The following MYO15A variants were observed in gnomAD, a reference collection of about 807,000 sequenced individuals.
MYO15A encodes the protein myosin XVA, also known as unconventional myosin-XV.
MYO15A carries 308 observed loss-of-function variants against 394.6 expected under a neutral mutation model. That is an observed-to-expected ratio of 0.78 (90% CI 0.71 to 0.86). MYO15A has a LOEUF of 0.86. Ranked by LOEUF, MYO15A falls within the 40% of genes least tolerant of loss-of-function variation. The pLI, the probability that MYO15A is intolerant of heterozygous loss-of-function variation, is 0.00. For synonymous variants in MYO15A, 1,957 were observed against 2,003.8 expected (o/e 0.98, Z 0.62); for missense variants, 4,606 against 4,799.1 (o/e 0.96, Z 1.19).
chr17:18,171,060 G>A (rs2046933475), intron 62 of MYO15A, among the ~76,000 whole-genome samples: 1 of 152,212 alleles, frequency 6.6e-6, no homozygotes, highest in South Asian at 2.1e-4. Flanking sequence ...TGGTCAGGAT[G>A]GGCTGGTACT....
intron 65 of MYO15A, chr17:18,177,662 C>T (rs1301958502): frequency 6.6e-6 from 1 of 152,276 alleles, no homozygotes; most frequent in Non-Finnish European, 1.5e-5. Context: ...CCACCACCTA[C>T]CAGTTGTGCA....
At chr17:18,113,739 CA>C (rs72282387) in intron 1 of MYO15A, among the ~76,000 whole-genome samples, 15,772 of 119,266 alleles carry the variant, frequency 0.13, 998 homozygotes, top group South Asian at 0.37. Flanking sequence ...GAGACTGTCT[CA>C]AAAAAAAAAA....
Position 18,135,837 on chromosome 17 carries a change from G to A in MYO15A, c.4596+13G>A. Reference sequence around the variant, plus strand: ...CTTCAAAGTGACCGTGAGTCTGTGGGCATCTGGCCTTCGAACAAAGCTTTC... The same window carrying A: ...CTTCAAAGTGACCGTGAGTCTGTGGACATCTGGCCTTCGAACAAAGCTTTC... On this transcript the variant is annotated intron_variant, in intron 13 of 65. Transcript: ENST00000647165. The A allele has an allele frequency of 6.2e-7, 1 of 1,610,446 alleles. No individual in the cohort carries two copies. Among genetic ancestry groups the A allele is most frequent in the South Asian group, 1.1e-5 (1 of 90,534 alleles).
In MYO15A at chr17:18,121,655, G is replaced by A. The variant is rs779295118; in HGVS notation, c.2855G>A (p.Gly952Asp). Residue 952 changes from glycine to aspartate, a missense_variant, in exon 2 of 66, where the codon GGC becomes GAC. Around this residue, in one of 2 missense-constraint regions of MYO15A, gnomAD observed 1,830 missense variants for 1,689.7 expected, o/e 1.08. Coordinates refer to ENST00000647165, the MANE Select transcript of MYO15A (RefSeq NM_016239.4). The surrounding 1 kb of genome is among the most constrained non-coding windows in gnomAD (Gnocchi z 5.3). Reference protein sequence around the residue: ...PWPGGAGSRRGFSRPPPVPEN... With the variant: ...PWPGGAGSRRDFSRPPPVPEN... ...CCAGGAGGTGCAGGCAGCCGCCGAG[G>A]CTTTTCCAGGCCACCCCCTGTGCCG... is the stretch of plus-strand genomic sequence containing the variant. 62 of 1,605,538 alleles carry A rather than the reference G, an allele frequency of 3.9e-5. No homozygotes were observed. Among genetic ancestry groups the A allele is most frequent in the Non-Finnish European group, 4.9e-5 (58 of 1,175,712 alleles).
Position 18,142,211 on chromosome 17 carries a change from A to G in MYO15A, c.5782A>G (p.Lys1928Glu). 1 of 1,613,556 alleles carries G rather than the reference A, an allele frequency of 6.2e-7. No homozygotes were observed. The highest frequency in any genetic ancestry group is 8.5e-7 in the Non-Finnish European group (1 of 1,179,988). The change falls in exon 24 of 66, where the codon AAG becomes GAG. Residue 1928 changes from lysine to glutamate, a missense_variant. By Grantham distance (56) the Lys-to-Glu change is moderately conservative. This residue lies in a region of MYO15A where 2,776 missense variants were observed against 3,109.3 expected (regional missense o/e 0.89). Coordinates refer to ENST00000647165, the MANE Select transcript of MYO15A (RefSeq NM_016239.4). ...IKRRFRSLRH[K>E]IILLQSRARG... Reference sequence around the variant, plus strand: ...GCGGCGATTCCGCTCTCTGCGCCACAAGATCATCCTGCTGCAAAGCCGGGC... The same window carrying G: ...GCGGCGATTCCGCTCTCTGCGCCACGAGATCATCCTGCTGCAAAGCCGGGC...
chr17:18,143,591 T>C lies in MYO15A; in HGVS notation c.5936T>C (p.Val1979Ala), dbSNP rs781285471. 1.3e-6 allele frequency: 2 copies of C among 1,563,704 alleles called. No homozygotes were observed. Among genetic ancestry groups the C allele is most frequent in the Non-Finnish European group, 1.7e-6 (2 of 1,153,746 alleles). Residue 1979 changes from valine (V) to alanine (A), a missense_variant, in exon 26 of 66, where the codon GTG becomes GCG. Around this residue, in one of 2 missense-constraint regions of MYO15A, gnomAD observed 2,776 missense variants for 3,109.3 expected, o/e 0.89. Transcript: ENST00000647165. ...LKLRAEWRCQ[V>A]EGALLWEQEE... ...CTGAGGGCAGAGTGGAGGTGCCAGG[T>C]GGAGGGGGCGCTGCTGTGGGAGCAG...
At chr17:18,124,443 G>A (rs760483620) in intron 2 of MYO15A, 40 bp from the exon 3 acceptor site, 26 of 1,593,678 alleles carry the variant, frequency 1.6e-5, no homozygotes, top group Non-Finnish European at 1.3e-5. Flanking sequence ...GGAGGGGGGT[G>A]CCCTTCAACC....
chr17:18,121,207 A>T lies in MYO15A; in HGVS notation c.2407A>T (p.Thr803Ser), dbSNP rs1474240561. ...APPSPQLSLR[T>S]GPFQPPFLPP... ...CCCGTCGCCTCAGCTGTCCTTGCGCACGGGCCCCTTCCAGCCGCCCTTCCT... is the reference window on the plus strand; with the variant it reads ...CCCGTCGCCTCAGCTGTCCTTGCGCTCGGGCCCCTTCCAGCCGCCCTTCCT... Residue 803 changes from threonine to serine, a missense_variant, in exon 2 of 66, where the codon ACG (threonine) becomes TCG (serine). This residue lies in a region of MYO15A where 1,830 missense variants were observed against 1,689.7 expected (regional missense o/e 1.08). Coordinates refer to ENST00000647165, the MANE Select transcript of MYO15A (RefSeq NM_016239.4). The surrounding 1 kb of genome is among the most constrained non-coding windows in gnomAD (Gnocchi z 5.3). 6.7e-7 allele frequency: 1 copy of T among 1,500,746 alleles called. No homozygotes were observed. Among genetic ancestry groups the T allele is most frequent in the South Asian group, 1.2e-5 (1 of 80,978 alleles). The allele number at this position is 1,500,746 out of a possible 1,614,324, so 93.0% of individuals were successfully genotyped here. A position where few individuals can be genotyped will look rare whatever the true frequency, so the allele number is the denominator to read the frequency against.
chr17:18,157,337 C>A, intron 50 of MYO15A, 107 bp downstream of exon 50: 2 of 1,432,936 alleles, frequency 1.4e-6, no homozygotes, highest in Non-Finnish European at 1.9e-6. Context: ...GTGGCCTGGG[C>A]TGGTCAGGTC....
intron 1 of MYO15A, among the ~76,000 whole-genome samples, chr17:18,116,502 C>T (rs1315849290): frequency 1.3e-5 from 2 of 152,234 alleles, no homozygotes; most frequent in South Asian, 2.1e-4. Context: ...ATACTAATAG[C>T]TCATATCTCA....
At position 18,153,955 on chromosome 17, in the gene MYO15A, G is replaced by A. The variant is rs2046630429; in HGVS notation, c.8088+59G>A. 7 of 1,609,788 alleles carry A rather than the reference G, an allele frequency of 4.3e-6. No homozygotes were observed. The highest frequency in any genetic ancestry group is 5.9e-6 in the Non-Finnish European group (7 of 1,177,338). On this transcript the variant is annotated intron_variant, in intron 43 of 65. Transcript: ENST00000647165. The surrounding 1 kb of genome is among the most constrained non-coding windows in gnomAD (Gnocchi z 4.1). ...GAAGCGGGGCAGGGGAGGGGCTGAA[G>A]CGAGCAGAGGAGGGTCTAGGACTTG...
chr17:18,141,968 C>T, intron 23 of MYO15A, 111 bp from the exon 24 acceptor site: 1 of 1,410,954 alleles, frequency 7.1e-7, no homozygotes, highest in African/African-American at 1.4e-5. Context: ...TCCAGCCCCG[C>T]TCCAGGAGGC....
chr17:18,157,353 A>C, intron 50 of MYO15A, 123 bp downstream of exon 50: 1 of 1,347,298 alleles, frequency 7.4e-7, no homozygotes, highest in Non-Finnish European at 1.0e-6. Flanking sequence ...AGGTCTCCTA[A>C]GGTCCAGCCG....
At chr17:18,174,950 G>A (rs1011040016) in intron 65 of MYO15A, among the ~76,000 whole-genome samples, 21 of 152,196 alleles carry the variant, frequency 1.4e-4, no homozygotes, top group Admixed American at 1.4e-3. Flanking sequence ...TGGAGAGCCT[G>A]TTACTTGGGT....
intron 7 of MYO15A, among the ~76,000 whole-genome samples, chr17:18,127,832 A>AGATAT (rs1555541550): frequency 1.5e-4 from 6 of 40,564 alleles, no homozygotes; most frequent in African/African-American, 3.0e-4. Flanking sequence ...AAGAAAAAAA[A>AGATAT]AGATATATAT....
intron 1 of MYO15A, among the ~76,000 whole-genome samples, chr17:18,118,248 C>T (rs712266): frequency 1.3e-3 from 204 of 152,300 alleles, no homozygotes; most frequent in Non-Finnish European, 2.4e-3. Context: ...TGCCTAGGAC[C>T]TAGAGGGTTC....
intron 60 of MYO15A, 40 bp from the exon 61 acceptor site, chr17:18,166,321 C>T (rs2046853420): frequency 2.5e-6 from 4 of 1,604,892 alleles, no homozygotes; most frequent in African/African-American, 1.3e-5. Context: ...TGTGTGTGCA[C>T]ACATGCCCCC....
chr17:18,162,934 A>G (rs2046796954), intron 58 of MYO15A, among the ~76,000 whole-genome samples: 1 of 152,206 alleles, frequency 6.6e-6, no homozygotes, highest in African/African-American at 2.4e-5. Context: ...CAGGAGGCAG[A>G]GGTTGCAGTG....
At chr17:18,167,566 C>G (rs1348470418) in intron 61 of MYO15A, 24 bp from the exon 62 acceptor site, 1 of 1,600,606 alleles carries the variant, frequency 6.2e-7, no homozygotes, top group East Asian at 2.2e-5. Flanking sequence ...GCCTGGCAGC[C>G]CCTCACCCAG....
Sources: gnomAD v4.1 joint callset for allele counts (sites outside exome capture counted in the v4.1 genomes callset) on GRCh38, gnomAD v4.1.1 for gene constraint, gnomAD v4.1.1 regional missense constraint, Gnocchi (gnomAD v3.1) non-coding constraint, MANE v1.5 for transcripts, NCBI Gene and HGNC (gene_info 2026-07-23, HGNC 2026-07-21) for gene names.